Variants in SLC5A10 observed in about 807,000 individuals in gnomAD.
SLC5A10 encodes the protein sodium/mannose cotransporter SLC5A10.
SLC5A10 carries 55 observed loss-of-function variants against 68.9 expected under a neutral mutation model. The observed-to-expected ratio is 0.80, with a 90% CI of 0.64 to 1.00. The LOEUF (loss-of-function observed/expected upper bound fraction) is 1.00, where lower values mean the gene tolerates loss of function less well. SLC5A10 is among the 50% of genes least tolerant of loss of function. SLC5A10 has a pLI of 0.00. For missense variants in SLC5A10, 732 were observed against 819.3 expected, an observed-to-expected ratio of 0.89 and a Z score of 1.30; for synonymous variants, 344 against 344.8, an observed-to-expected ratio of 1.00 and a Z score of 0.02.
rs1163684405 is a variant in SLC5A10, at chr17:19,019,508, A to C, written c.1327A>C (p.Met443Leu). 3 of 1,612,540 alleles carry C rather than the reference A, an allele frequency of 1.9e-6. No homozygotes were observed. The highest frequency in any genetic ancestry group is 2.5e-6 in the Non-Finnish European group (3 of 1,179,940). ...CAACAGCGGGCAACTCTTCATCTAC[A>C]TGCAGTCAGTGACCAGCTCCCTGGC... The part of the protein sequence containing the change: ...DSNSGQLFIY[M>L]QSVTSSLAPP... Residue 443 changes from methionine (M) to leucine (L), a missense_variant, in exon 12 of 15, where the codon ATG becomes CTG. Coordinates refer to ENST00000395645, the MANE Select transcript of SLC5A10 (RefSeq NM_001042450.4).
intron 9 of SLC5A10, among the ~76,000 whole-genome samples, chr17:18,998,888 C>T (rs1231990207): frequency 6.6e-6 from 1 of 152,208 alleles, no homozygotes; most frequent in Admixed American, 6.5e-5. Context: ...TGGCCTTCCT[C>T]CTGGTCCCCA....
chr17:18,965,086 T>TG (rs1567780704), intron 5 of SLC5A10, among the ~76,000 whole-genome samples: 208 of 144,784 alleles, frequency 1.4e-3, no homozygotes, highest in African/African-American at 5.3e-3. Context: ...AGAGGTTTTT[T>TG]TAAAAAAAAA....
chr17:18,983,305 G>A lies in SLC5A10; in HGVS notation c.982+6316G>A, dbSNP rs370187366. ...GCATCACTATGGCCATGGGGCGCTC[G>A]AGGCCCAGAGAGGTGGAACCACACG... On this transcript the variant is annotated intron_variant, in intron 9 of 14. Coordinates refer to ENST00000395645, the MANE Select transcript of SLC5A10 (RefSeq NM_001042450.4). 1.8e-4 allele frequency among the ~76,000 whole-genome samples: 27 copies of A among 152,344 alleles called. No individual in the cohort carries two copies. The East Asian group carries it at 2.7e-3, about 15-fold the overall frequency.
At chr17:18,970,496 A>G (rs1236331131) in intron 7 of SLC5A10, 2 of 168,066 alleles carry the variant, frequency 1.2e-5, no homozygotes, top group African/African-American at 4.8e-5. Context: ...TGGAGGCCCC[A>G]TCCCTCTCTG....
chr17:18,983,244 G>A (rs571873148), intron 9 of SLC5A10, among the ~76,000 whole-genome samples: 65 of 152,322 alleles, frequency 4.3e-4, no homozygotes, highest in Admixed American at 2.1e-3. Context: ...GCCAAACACC[G>A]TCTCCTTTAA....
At chr17:18,958,842 C>A in intron 2 of SLC5A10, 89 bp downstream of exon 2, 1 of 1,479,184 alleles carries the variant, frequency 6.8e-7, no homozygotes, top group Non-Finnish European at 9.4e-7. Flanking sequence ...TATCTTTGAG[C>A]CAGTCCAATT....
intron 8 of SLC5A10, chr17:18,975,939 A>C (rs1403279591): frequency 1.3e-5 from 2 of 152,182 alleles, no homozygotes; most frequent in Non-Finnish European, 2.9e-5. Flanking sequence ...TTGTAATCCC[A>C]GCACTTTGGG....
chr17:19,014,744 A>G (rs1052783723), intron 10 of SLC5A10, among the ~76,000 whole-genome samples: 1 of 152,224 alleles, frequency 6.6e-6, no homozygotes, highest in Admixed American at 6.5e-5. Flanking sequence ...CAGGCTCTGC[A>G]GAAAGGACAG....
chr17:19,019,345 T>G (rs2044208188), intron 11 of SLC5A10, 78 bp from the exon 12 acceptor site: 3 of 1,517,990 alleles, frequency 2.0e-6, no homozygotes, highest in Non-Finnish European at 2.7e-6. Context: ...AGAGAGCAAG[T>G]CTTAGTGACC....
In SLC5A10 at chr17:19,019,550, G is replaced by C; in HGVS notation, c.1369G>C (p.Val457Leu). 6.2e-7 allele frequency: 1 copy of C among 1,612,358 alleles called. No homozygotes were observed. Among genetic ancestry groups the C allele is most frequent in the Non-Finnish European group, 8.5e-7 (1 of 1,179,994 alleles). Residue 457 changes from valine to leucine, a missense_variant, in exon 12 of 15, where the codon GTC becomes CTC. Physicochemically the swap from Val to Leu is conservative, Grantham distance 32 (BLOSUM62 1). Coordinates refer to ENST00000395645, the MANE Select transcript of SLC5A10 (RefSeq NM_001042450.4). The part of the protein sequence containing the change: ...TSSLAPPVTA[V>L]FVLGVFWRRA... ...CTCCCTGGCCCCACCAGTGACTGCA[G>C]TCTTTGTCCTGGGCGTCTTCTGGCG...
At chr17:18,997,219 A>C (rs1488609943) in intron 9 of SLC5A10, among the ~76,000 whole-genome samples, 2 of 152,264 alleles carry the variant, frequency 1.3e-5, no homozygotes, top group Admixed American at 6.5e-5. Context: ...GCCCAGTGGC[A>C]TGAAGGCACT....
intron 5 of SLC5A10, among the ~76,000 whole-genome samples, chr17:18,966,762 A>AAC (rs2042717404): frequency 2.0e-5 from 3 of 151,292 alleles, no homozygotes; most frequent in Non-Finnish European, 4.4e-5. Flanking sequence ...AAAAAAAAAA[A>AAC]AAAACAACAC....
intron 8 of SLC5A10, among the ~76,000 whole-genome samples, chr17:18,972,351 C>T (rs750124105): frequency 2.6e-5 from 4 of 152,232 alleles, no homozygotes; most frequent in South Asian, 4.1e-4. Context: ...GTGGAATGAA[C>T]GATCACAGCG....
intron 9 of SLC5A10, among the ~76,000 whole-genome samples, chr17:18,981,509 G>A (rs1303356058): frequency 1.3e-5 from 2 of 152,164 alleles, no homozygotes; most frequent in Non-Finnish European, 2.9e-5. Context: ...GGGTGTGTGA[G>A]GTGAATGCTA....
chr17:18,988,946 G>C (rs917748995), intron 9 of SLC5A10, among the ~76,000 whole-genome samples: 2 of 152,218 alleles, frequency 1.3e-5, no homozygotes, highest in African/African-American at 4.8e-5. Context: ...CAGGGCAGGG[G>C]GCCTGGCTGA....
intron 8 of SLC5A10, among the ~76,000 whole-genome samples, chr17:18,972,064 T>C (rs778662560): frequency 6.6e-6 from 1 of 152,158 alleles, no homozygotes; most frequent in Non-Finnish European, 1.5e-5. Context: ...TTGGAGGCAA[T>C]GCAGGAGTTT....
chr17:19,012,269 C>T (rs1047593001), intron 9 of SLC5A10, among the ~76,000 whole-genome samples: 2 of 152,236 alleles, frequency 1.3e-5, no homozygotes, highest in African/African-American at 4.8e-5. Context: ...GAGGAGAGCC[C>T]CACACCTCAG....
chr17:18,985,504 G>T (rs542257335), intron 9 of SLC5A10, among the ~76,000 whole-genome samples: 11 of 152,310 alleles, frequency 7.2e-5, no homozygotes, highest in African/African-American at 1.9e-4. Flanking sequence ...AGTGGCTGAG[G>T]GCAGGCCCAG....
intron 8 of SLC5A10, among the ~76,000 whole-genome samples, chr17:18,972,794 G>A (rs1227432788): frequency 6.6e-6 from 1 of 151,930 alleles, no homozygotes; most frequent in African/African-American, 2.4e-5. Flanking sequence ...CCCAGGAGGT[G>A]GAGTTGACAG....
Sources: gnomAD v4.1 joint callset for allele counts (sites outside exome capture counted in the v4.1 genomes callset) on GRCh38, gnomAD v4.1.1 for gene constraint, MANE v1.5 for transcripts, NCBI Gene and HGNC (gene_info 2026-07-23, HGNC 2026-07-21) for gene names.